The following APAF1 variants were observed in gnomAD, a reference collection of about 807,000 sequenced individuals.
The protein encoded by APAF1 is apoptotic protease-activating factor 1.
APAF1 carries 91 observed loss-of-function variants against 152.4 expected under a neutral mutation model. That is an observed-to-expected ratio of 0.60 (90% CI 0.50 to 0.71). The LOEUF (loss-of-function observed/expected upper bound fraction) is 0.71. APAF1 is among the 30% of genes least tolerant of loss of function. The pLI, the probability that APAF1 is intolerant of heterozygous loss-of-function variation, is 0.00. For synonymous variants in APAF1, 484 were observed against 494.1 expected, an observed-to-expected ratio of 0.98 and a Z score of 0.27; for missense variants, 1,283 against 1,472.0, an observed-to-expected ratio of 0.87 and a Z score of 2.10.
chr12:98,699,871 A>G (rs1340706723), intron 17 of APAF1, among the ~76,000 whole-genome samples: 1 of 152,220 alleles, frequency 6.6e-6, no homozygotes, highest in African/African-American at 2.4e-5. Flanking sequence ...AATTTATGCC[A>G]TCGAATCCAG....
At chr12:98,689,464 G>GTC (rs1565877652) in intron 16 of APAF1, among the ~76,000 whole-genome samples, 57 of 142,694 alleles carry the variant, frequency 4.0e-4, no homozygotes, top group African/African-American at 1.4e-3. Context: ...GAGAGAGAGA[G>GTC]TGTGTGTGTC....
At chr12:98,730,962 G>A (rs3825264) in intron 26 of APAF1, among the ~76,000 whole-genome samples, 12,402 of 152,214 alleles carry the variant, frequency 0.081, 674 homozygotes, top group East Asian at 0.24. Flanking sequence ...ATTAATTCAT[G>A]TGCATGAAGG....
chr12:98,706,468 C>T lies in APAF1; in HGVS notation c.2596-17C>T, dbSNP rs570741124. The T allele has an allele frequency of 8.7e-6, 14 of 1,613,706 alleles. No homozygotes were observed. The African/African-American group carries it at 1.2e-4, about 14-fold the overall frequency. On this transcript the variant is annotated splice_polypyrimidine_tract_variant and intron_variant, in intron 18 of 26. Transcript: ENST00000551964. The stretch of plus-strand genomic sequence containing the variant: ...GCTTATGTATGTGATTTCCTATATG[C>T]TGTGTTTATTCTGTAGTTGTGGAAT...
Position 98,669,400 on chromosome 12 carries a change from A to G in APAF1, c.1495-1573A>G, listed in dbSNP as rs185250557. Among the ~76,000 whole-genome samples the G allele has an allele frequency of 1.8e-3, 277 of 152,342 alleles. 1 individual carries two copies. Among genetic ancestry groups the G allele is most frequent in the African/African-American group, 6.4e-3 (266 of 41,582 alleles). On this transcript the variant is annotated intron_variant, in intron 10 of 26. Transcript: ENST00000551964. Reference sequence around the variant, plus strand: ...ATTGGAAAAACAGAAAAAAACGATGAAAAGGAAAACAGAGATCACAACCAT... The same window carrying G: ...ATTGGAAAAACAGAAAAAAACGATGGAAAGGAAAACAGAGATCACAACCAT...
At chr12:98,672,595 T>A (rs1482238441) in intron 12 of APAF1, among the ~76,000 whole-genome samples, 2 of 152,228 alleles carry the variant, frequency 1.3e-5, no homozygotes, top group Admixed American at 1.3e-4. Flanking sequence ...TGCTCTTACC[T>A]TAATCTTGTA....
At chr12:98,702,108 C>T (rs1169122955) in intron 17 of APAF1, among the ~76,000 whole-genome samples, 1 of 152,070 alleles carries the variant, frequency 6.6e-6, no homozygotes, top group Non-Finnish European at 1.5e-5. Flanking sequence ...CTCTTTCGCC[C>T]AGGCTGGAGT....
intron 2 of APAF1, 46 bp from the exon 3 acceptor site, chr12:98,648,580 G>C (rs779225119): frequency 8.7e-6 from 14 of 1,609,316 alleles, no homozygotes; most frequent in Non-Finnish European, 1.2e-5. Context: ...ACTTTATGTT[G>C]CATACATATT....
intron 13 of APAF1, among the ~76,000 whole-genome samples, 157 bp from the exon 14 acceptor site, chr12:98,680,120 C>T (rs1423770739): frequency 6.6e-6 from 1 of 152,248 alleles, no homozygotes; most frequent in Non-Finnish European, 1.5e-5. Context: ...AAGGCATACA[C>T]ATTCTGACAG....
At chr12:98,722,175 C>G (rs1224385873) in intron 22 of APAF1, among the ~76,000 whole-genome samples, 1 of 152,186 alleles carries the variant, frequency 6.6e-6, no homozygotes, top group Non-Finnish European at 1.5e-5. Flanking sequence ...TTTGAAGAAC[C>G]CTTCTCAGTT....
intron 4 of APAF1, among the ~76,000 whole-genome samples, chr12:98,653,492 A>C (rs1360556766): frequency 6.6e-6 from 1 of 150,466 alleles, no homozygotes; most frequent in Non-Finnish European, 1.5e-5. Context: ...CCCCGTCTCT[A>C]CTAAAAATAC....
At chr12:98,682,990 A>G (rs1446680386) in intron 14 of APAF1, among the ~76,000 whole-genome samples, 153 bp from the exon 15 acceptor site, 1 of 152,202 alleles carries the variant, frequency 6.6e-6, no homozygotes, top group Non-Finnish European at 1.5e-5. Context: ...ATATTTTAGA[A>G]AGGGGAGAGG....
Position 98,686,055 on chromosome 12 carries a change from C to T in APAF1, c.2179-693C>T, listed in dbSNP as rs946720787. 5.3e-5 allele frequency among the ~76,000 whole-genome samples: 8 copies of T among 152,316 alleles called. No individual in the cohort carries two copies. In the East Asian group the frequency reaches 9.6e-4, roughly 18 times the overall value. On this transcript the variant is annotated intron_variant, in intron 15 of 26. Transcript: ENST00000551964. Reference sequence around the variant, plus strand: ...TTATTATCATACCATACTATTATCACACCTAACATAATAAAATATAGTTTT... The same window carrying T: ...TTATTATCATACCATACTATTATCATACCTAACATAATAAAATATAGTTTT...
chr12:98,672,883 T>G (rs1009045229), intron 12 of APAF1, among the ~76,000 whole-genome samples: 16 of 151,306 alleles, frequency 1.1e-4, no homozygotes, highest in Non-Finnish European at 1.9e-4. Context: ...GCCTCCCGAG[T>G]AGCTGGAATT....
rs147312968 is a variant in APAF1, at chr12:98,657,790, T to C, written c.527-1370T>C. On this transcript the variant is annotated intron_variant, in intron 4 of 26. Coordinates refer to ENST00000551964, the MANE Select transcript of APAF1 (RefSeq NM_181861.2). ...ATTAGCTGTGTAACTTTGGGCAAAT[T>C]ACTCAACTTTTCTATTCTTCAGTTT... 2.3e-4 allele frequency among the ~76,000 whole-genome samples: 35 copies of C among 152,356 alleles called. 1 individual carries two copies. The East Asian group carries it at 4.4e-3, about 19-fold the overall frequency.
intron 12 of APAF1, 149 bp downstream of exon 12, chr12:98,671,868 T>A (rs1381125563): frequency 9.3e-6 from 7 of 755,940 alleles, no homozygotes; most frequent in Non-Finnish European, 1.6e-5. Flanking sequence ...TGAAAAGTTC[T>A]AGAGAAGTAA....
chr12:98,661,824 A>G (rs2097665779), intron 5 of APAF1, among the ~76,000 whole-genome samples: 1 of 151,910 alleles, frequency 6.6e-6, no homozygotes, highest in Admixed American at 6.6e-5. Flanking sequence ...TAATTATGCT[A>G]TCAGGTTTTA....
Position 98,699,693 on chromosome 12 carries a change from C to T in APAF1, c.2466+124C>T, listed in dbSNP as rs558244733. 43 of 1,054,966 alleles carry T rather than the reference C, an allele frequency of 4.1e-5. 1 individual carries two copies. In the South Asian group the frequency reaches 5.5e-4, roughly 14 times the overall value. 65.4% of individuals were successfully genotyped at this position (1,054,966 alleles called of 1,614,324 possible). On this transcript the variant is annotated intron_variant, in intron 17 of 26. Coordinates refer to ENST00000551964, the MANE Select transcript of APAF1 (RefSeq NM_181861.2). ...TAGCTGTGTGATTTTGGGCAGTCTT[C>T]CTAACCTGTCATGGTTCTTTGGAAC...
intron 10 of APAF1, among the ~76,000 whole-genome samples, chr12:98,668,129 G>A (rs1311136721): frequency 2.6e-5 from 4 of 152,086 alleles, no homozygotes; most frequent in Admixed American, 6.6e-5. Flanking sequence ...TGTTGTTGTC[G>A]TCGTTGTTTG....
Position 98,648,812 on chromosome 12 carries a change from T to A in APAF1, c.325T>A (p.Tyr109Asn). Residue 109 changes from tyrosine (Y) to asparagine (N), a missense_variant, in exon 3 of 27, where the codon TAT becomes AAT. Physicochemically the swap from Tyr to Asn is moderately radical, Grantham distance 143. Transcript: ENST00000551964. ...GKDSVSGITSYVRTVLCEGGV... is the reference protein window; with the variant it reads ...GKDSVSGITSNVRTVLCEGGV... ...AGATTCAGTTAGTGGAATAACTTCG[T>A]ATGGTTTGTATCCATTATACCTTCT... 6.2e-7 allele frequency: 1 copy of A among 1,613,484 alleles called. No individual in the cohort carries two copies. Among genetic ancestry groups the A allele is most frequent in the Non-Finnish European group, 8.5e-7 (1 of 1,179,646 alleles).
Sources: allele counts gnomAD v4.1 joint callset (sites outside exome capture counted in the v4.1 genomes callset), GRCh38; gene constraint gnomAD v4.1.1; transcripts MANE v1.5; gene names NCBI Gene and HGNC (gene_info 2026-07-23, HGNC 2026-07-21).